Variants in TTC39B observed in about 807,000 individuals in gnomAD.
TTC39B encodes the protein tetratricopeptide repeat domain 39B.
In TTC39B, 92 loss-of-function variants were observed where a neutral mutation model predicts 96.6. The ratio of observed to expected loss-of-function variants is 0.95; its 90% CI spans 0.80 to 1.13. The LOEUF is 1.13. TTC39B is among the 50% of genes most tolerant of loss of function. The pLI is 0.00. For synonymous variants in TTC39B, 367 were observed against 299.4 expected (o/e 1.23, Z -2.33); for missense variants, 955 against 809.3 (o/e 1.18, Z -2.18).
At chr9:15,305,746 A>G (rs1417294819) in intron 1 of TTC39B, among the ~76,000 whole-genome samples, 1 of 150,826 alleles carries the variant, frequency 6.6e-6, no homozygotes, top group Non-Finnish European at 1.5e-5. Context: ...CCATTTGTCA[A>G]AGTATCTCCG....
At chr9:15,274,508 C>A (rs139034155) in intron 1 of TTC39B, among the ~76,000 whole-genome samples, 1 of 152,084 alleles carries the variant, frequency 6.6e-6, no homozygotes, top group African/African-American at 2.4e-5. Context: ...GGACAAGCAC[C>A]CCTCATACCC....
chr9:15,184,641 A>C (rs1007541569), intron 16 of TTC39B, among the ~76,000 whole-genome samples: 8 of 152,240 alleles, frequency 5.3e-5, no homozygotes, highest in African/African-American at 7.2e-5. Flanking sequence ...ATAAAGTTTA[A>C]GAATGTGAGC....
intron 2 of TTC39B, among the ~76,000 whole-genome samples, chr9:15,240,710 T>A (rs1324504894): frequency 6.6e-6 from 1 of 152,212 alleles, no homozygotes; most frequent in Non-Finnish European, 1.5e-5. Flanking sequence ...ATTTATTATT[T>A]TTGGCCCTCT....
chr9:15,191,555 C>T (rs1380753296), intron 9 of TTC39B, among the ~76,000 whole-genome samples: 1 of 152,080 alleles, frequency 6.6e-6, no homozygotes, highest in Non-Finnish European at 1.5e-5. Context: ...CCTCAAAGCC[C>T]ACATCCAGGC....
chr9:15,305,253 T>G (rs1824719679), intron 1 of TTC39B, among the ~76,000 whole-genome samples: 1 of 152,164 alleles, frequency 6.6e-6, no homozygotes, highest in Non-Finnish European at 1.5e-5. Context: ...TGTACCCAGG[T>G]CATATCTCCC....
At chr9:15,238,375 C>G (rs1821884156) in intron 2 of TTC39B, among the ~76,000 whole-genome samples, 1 of 152,146 alleles carries the variant, frequency 6.6e-6, no homozygotes. Context: ...AAAGACTCCT[C>G]CCAAAAAGAC....
intron 9 of TTC39B, among the ~76,000 whole-genome samples, chr9:15,192,014 G>A (rs1249983123): frequency 6.6e-6 from 1 of 152,128 alleles, no homozygotes; most frequent in Non-Finnish European, 1.5e-5. Context: ...TCCATTCTGT[G>A]GGTACCAGTC....
chr9:15,296,485 A>G (rs1824380179), intron 1 of TTC39B, among the ~76,000 whole-genome samples: 1 of 152,192 alleles, frequency 6.6e-6, no homozygotes. Context: ...GTGTGTCTCC[A>G]CTGTCAAAAA....
intron 2 of TTC39B, among the ~76,000 whole-genome samples, chr9:15,267,684 AAT>A (rs1823184846): frequency 6.6e-6 from 1 of 152,210 alleles, no homozygotes; most frequent in African/African-American, 2.4e-5. Context: ...TTTGTTGAGA[AAT>A]ATTTTATTTT....
intron 8 of TTC39B, among the ~76,000 whole-genome samples, chr9:15,193,266 T>TA (rs1818964961): frequency 6.6e-6 from 1 of 152,232 alleles, no homozygotes; most frequent in South Asian, 2.1e-4. Flanking sequence ...CTCACTTTAC[T>TA]TTCTATGTAT....
chr9:15,292,629 A>G (rs1178815924), intron 1 of TTC39B, among the ~76,000 whole-genome samples: 1 of 152,180 alleles, frequency 6.6e-6, no homozygotes, highest in Non-Finnish European at 1.5e-5. Flanking sequence ...AGCTCCAGCC[A>G]TGTTACTGCC....
chr9:15,295,383 A>T (rs866592528), intron 1 of TTC39B, among the ~76,000 whole-genome samples: 18 of 152,314 alleles, frequency 1.2e-4, no homozygotes, highest in African/African-American at 4.3e-4. Context: ...GTCAAGTTTG[A>T]GAAGTTTGTG....
At chr9:15,286,317 T>C (rs1372853990) in intron 1 of TTC39B, among the ~76,000 whole-genome samples, 3 of 152,248 alleles carry the variant, frequency 2.0e-5, no homozygotes, top group Non-Finnish European at 4.4e-5. Flanking sequence ...TGTTTTATGA[T>C]ACCAGCAGTC....
chr9:15,223,300 A>G (rs1398158747), intron 3 of TTC39B, among the ~76,000 whole-genome samples: 1 of 152,366 alleles, frequency 6.6e-6, no homozygotes, highest in Non-Finnish European at 1.5e-5. Context: ...AGGGATTACA[A>G]GTAAGGAGGC....
rs995718477 is a variant in TTC39B, at chr9:15,272,758, T to G, written c.241-4810A>C. Among the ~76,000 whole-genome samples the G allele has an allele frequency of 2.5e-4, 38 of 152,210 alleles. 1 individual carries two copies. The highest frequency in any genetic ancestry group is 2.5e-3 in the Admixed American group (38 of 15,278). ...CAGTACTCTGTACTTCATGGACTCTTAGCAAATCATGGTTAGCTAACTAAC... is the reference window on the plus strand; with the variant it reads ...CAGTACTCTGTACTTCATGGACTCTGAGCAAATCATGGTTAGCTAACTAAC... On this transcript the variant is annotated intron_variant, in intron 1 of 19. Coordinates refer to ENST00000512701, the Ensembl canonical transcript of TTC39B.
intron 8 of TTC39B, among the ~76,000 whole-genome samples, chr9:15,195,622 A>T (rs1336026060): frequency 6.9e-6 from 1 of 144,696 alleles, no homozygotes; most frequent in East Asian, 2.0e-4. Context: ...GTGAGCTGAG[A>T]TCGTGCCACT....
intron 8 of TTC39B, among the ~76,000 whole-genome samples, chr9:15,193,818 G>T (rs966732501): frequency 3.3e-5 from 5 of 152,162 alleles, no homozygotes; most frequent in Non-Finnish European, 7.3e-5. Flanking sequence ...AGAAACATTA[G>T]AAAAGTCCAT....
intron 15 of TTC39B, 126 bp downstream of exon 15, chr9:15,186,817 TC>T (rs1394632054): frequency 3.7e-6 from 3 of 820,762 alleles, no homozygotes; most frequent in Non-Finnish European, 6.1e-6. Flanking sequence ...CACCTAAGCT[TC>T]CCAAGTAGCT....
chr9:15,236,125 G>A (rs1488103966), intron 2 of TTC39B, among the ~76,000 whole-genome samples: 2 of 152,144 alleles, frequency 1.3e-5, no homozygotes, highest in East Asian at 3.8e-4. Flanking sequence ...GGAGAAAGAA[G>A]ACATAAAATG....
Sources: gnomAD v4.1 joint callset for allele counts (sites outside exome capture counted in the v4.1 genomes callset) on GRCh38, gnomAD v4.1.1 for gene constraint, MANE v1.5 for transcripts, NCBI Gene and HGNC (gene_info 2026-07-23, HGNC 2026-07-21) for gene names.